TGM1: variants seen among roughly 807,000 people sequenced by gnomAD.
TGM1 encodes the protein protein-glutamine gamma-glutamyltransferase K.
Under a neutral mutation model 88.7 loss-of-function variants are expected in TGM1, and 63 were observed. That is an observed-to-expected ratio of 0.71 (90% CI 0.58 to 0.88). The LOEUF (loss-of-function observed/expected upper bound fraction) is 0.88. TGM1 is among the 40% of genes least tolerant of loss of function. The pLI is 0.00. For missense variants in TGM1, 996 were observed against 1,118.0 expected (o/e 0.89, Z 1.56); for synonymous variants, 415 against 431.1 (o/e 0.96, Z 0.46).
At chr14:24,261,993 A>G (rs374780559) in intron 2 of TGM1, 41 bp downstream of exon 2, 11 of 1,611,816 alleles carry the variant, frequency 6.8e-6, no homozygotes, top group Non-Finnish European at 9.3e-6. Context: ...GTCCCATTAA[A>G]GCCTTTTAGC....
intron 14 of TGM1, among the ~76,000 whole-genome samples, chr14:24,251,131 G>A (rs1407224097): frequency 6.6e-6 from 1 of 152,216 alleles, no homozygotes; most frequent in East Asian, 1.9e-4. Context: ...AAAAGGAGGA[G>A]TGGGATCTGA....
intron 7 of TGM1, 23 bp from the exon 8 acceptor site, chr14:24,258,696 GT>G: frequency 6.2e-7 from 1 of 1,612,786 alleles, no homozygotes; most frequent in Non-Finnish European, 8.5e-7. Flanking sequence ...GAAGGTTGGG[GT>G]TCAAGGCATG....
chr14:24,251,472 T>C (rs2040700410), intron 14 of TGM1, among the ~76,000 whole-genome samples: 1 of 152,224 alleles, frequency 6.6e-6, no homozygotes, highest in Non-Finnish European at 1.5e-5. Context: ...CTCCCTCCCC[T>C]GGTCTCATTG....
In TGM1 at chr14:24,255,348, G is replaced by T; in HGVS notation, c.1645+16C>A. ...TGTTGTGGGGCCCAGAGCTGGCTGG[G>T]TTGGGGGAATGGTACCTTCTGGGTG... On this transcript the variant is annotated intron_variant, in intron 11 of 14. Transcript: ENST00000206765. The surrounding 1 kb of genome is among the most constrained non-coding windows in gnomAD (Gnocchi z 4.0). 1 of 1,614,238 alleles carries T rather than the reference G, an allele frequency of 6.2e-7. No individual in the cohort carries two copies. Among genetic ancestry groups the T allele is most frequent in the Non-Finnish European group, 8.5e-7 (1 of 1,180,042 alleles).
chr14:24,253,559 C>T (rs1343091595), intron 14 of TGM1, among the ~76,000 whole-genome samples: 1 of 152,144 alleles, frequency 6.6e-6, no homozygotes. Flanking sequence ...CTCACTTCAG[C>T]CTCAACCTCT....
rs1008521991 is a variant in TGM1, at chr14:24,255,199, G to C, written c.1700C>G (p.Pro567Arg). 3.1e-6 allele frequency: 5 copies of C among 1,613,812 alleles called. No homozygotes were observed. In the South Asian group the frequency reaches 4.4e-5, roughly 14 times the overall value. The change falls in exon 12 of 15, where the codon CCC (proline) becomes CGC (arginine). Residue 567 changes from proline (P) to arginine (R), a missense_variant. Coordinates refer to ENST00000206765, the MANE Select transcript of TGM1 (RefSeq NM_000359.3). The surrounding 1 kb of genome is among the most constrained non-coding windows in gnomAD (Gnocchi z 4.0). Reference sequence around the variant, plus strand: ...TGAGCCCCGGTTGGCATACACATTGGGTTTGCTGCCGTGGGCTGCTGCTGT... The same window carrying C: ...TGAGCCCCGGTTGGCATACACATTGCGTTTGCTGCCGTGGGCTGCTGCTGT... ...VETAAAHGSK[P>R]NVYANRGSAE...
At position 24,254,196 on chromosome 14, in the gene TGM1, C is replaced by G; in HGVS notation, c.2181G>C (p.Arg727=). The G allele has an allele frequency of 6.2e-7, 1 of 1,613,716 alleles. No individual in the cohort carries two copies. The highest frequency in any genetic ancestry group is 8.5e-7 in the Non-Finnish European group (1 of 1,179,866). ...LPVTLTNVVF[R]LEGSGLQRPK... The stretch of plus-strand genomic sequence containing the variant: ...GCCTCTGTAACCCAGAGCCTTCGAG[C>G]CGGAAGACGACATTGGTGAGGGTGA... Residue 727 remains arginine, a synonymous_variant, in exon 14 of 15, where the codon CGG becomes CGC. Transcript: ENST00000206765.
rs771820315 is a variant in TGM1, at chr14:24,259,721, G to A, written c.967C>T (p.Arg323Trp). 6.2e-6 allele frequency: 10 copies of A among 1,611,226 alleles called. No individual in the cohort carries two copies. Among genetic ancestry groups the A allele is most frequent in the Non-Finnish European group, 7.6e-6 (9 of 1,178,956 alleles). ...GTGCTCACCATGGCAGAGATGACCCGGGAGACATTGACTGGGTCTCCACGG... is the reference window on the plus strand; with the variant it reads ...GTGCTCACCATGGCAGAGATGACCCAGGAGACATTGACTGGGTCTCCACGG... ...GGRGDPVNVSRVISAMVNSLD... is the reference protein window; with the variant it reads ...GGRGDPVNVSWVISAMVNSLD... The change falls in exon 6 of 15, where the codon CGG becomes TGG. Residue 323 changes from arginine to tryptophan, a missense_variant. Arg to Trp is a moderately radical substitution (Grantham distance 101). Transcript: ENST00000206765. This position sits in a 1 kb window ranked among gnomAD's most constrained non-coding sequence, Gnocchi z 5.7.
At position 24,259,579 on chromosome 14, in the gene TGM1, C is replaced by G. The variant is rs2040787824; in HGVS notation, c.984+125G>C. On this transcript the variant is annotated intron_variant, in intron 6 of 14. Coordinates refer to ENST00000206765, the MANE Select transcript of TGM1 (RefSeq NM_000359.3). This position sits in a 1 kb window ranked among gnomAD's most constrained non-coding sequence, Gnocchi z 5.7. Reference sequence around the variant, plus strand: ...GGAGGGAGACCCCTTCCTGAAGTATCCTTTACGAGGGCAGGGACAGGGCTG... The same window carrying G: ...GGAGGGAGACCCCTTCCTGAAGTATGCTTTACGAGGGCAGGGACAGGGCTG... 1.2e-6 allele frequency: 1 copy of G among 836,660 alleles called. No homozygotes were observed. Among genetic ancestry groups the G allele is most frequent in the Non-Finnish European group, 2.0e-6 (1 of 508,384 alleles). 51.8% of individuals were successfully genotyped at this position (836,660 alleles called of 1,614,324 possible). A position where few individuals can be genotyped will look rare whatever the true frequency, so the allele number is the denominator to read the frequency against.
chr14:24,260,773 C>T, intron 3 of TGM1, 75 bp from the exon 4 acceptor site: 2 of 1,599,958 alleles, frequency 1.3e-6, no homozygotes, highest in Non-Finnish European at 1.7e-6. Flanking sequence ...CTTCTCCCGG[C>T]CCCACCCACA....
rs780615877 is a variant in TGM1, at chr14:24,255,159, G to A, written c.1740C>T (p.Ala580=). 7 of 1,614,068 alleles carry A rather than the reference G, an allele frequency of 4.3e-6. No homozygotes were observed. In the East Asian group the frequency reaches 1.6e-4, roughly 36 times the overall value. The change falls in exon 12 of 15, where the codon GCC becomes GCT. Residue 580 remains alanine (A), a synonymous_variant. Coordinates refer to ENST00000206765, the MANE Select transcript of TGM1 (RefSeq NM_000359.3). This position sits in a 1 kb window ranked among gnomAD's most constrained non-coding sequence, Gnocchi z 4.0. ...YANRGSAEDV[A]MQVEAQDAVM... ...CCGCGTCCTGTGCCTCCACCTGCATGGCCACATCCTCCGCTGAGCCCCGGT... is the reference window on the plus strand; with the variant it reads ...CCGCGTCCTGTGCCTCCACCTGCATAGCCACATCCTCCGCTGAGCCCCGGT...
chr14:24,252,597 C>T (rs559144741), intron 14 of TGM1, among the ~76,000 whole-genome samples: 1 of 152,236 alleles, frequency 6.6e-6, no homozygotes, highest in Admixed American at 6.5e-5. Context: ...ATGAGGAAAG[C>T]CCTACTTTGT....
At chr14:24,260,203 G>A (rs2040796442) in intron 4 of TGM1, 145 bp from the exon 5 acceptor site, 15 of 947,852 alleles carry the variant, frequency 1.6e-5, no homozygotes, top group Middle Eastern at 4.6e-4. Context: ...GGGAGGACAC[G>A]GGGAGCATGA....
At position 24,254,149 on chromosome 14, in the gene TGM1, C is replaced by T. The variant is rs761284112; in HGVS notation, c.2225+3G>A. 1.9e-5 allele frequency: 31 copies of T among 1,609,716 alleles called. No homozygotes were observed. The highest frequency in any genetic ancestry group is 2.5e-5 in the Non-Finnish European group (29 of 1,178,058). ...CAGGGGTAGGGGGAGAGGCCAGACT[C>T]ACCCAACGTTGAGGATCTTGGGCCT... On this transcript the variant is annotated splice_donor_region_variant and intron_variant, in intron 14 of 14. Coordinates refer to ENST00000206765, the MANE Select transcript of TGM1 (RefSeq NM_000359.3).
Position 24,260,334 on chromosome 14 carries a change from G to C in TGM1, c.757+116C>G, listed in dbSNP as rs41293784. On this transcript the variant is annotated intron_variant, in intron 4 of 14. Transcript: ENST00000206765. The stretch of plus-strand genomic sequence containing the variant: ...CCTCGGTCCTCTCATCTGCCCAATG[G>C]GAGGCTGGCTTCTCCTGGGGTCAGG... The C allele has an allele frequency of 1.0e-3, 1,567 of 1,504,792 alleles. 12 individuals carry two copies. In the East Asian group the frequency reaches 0.02, roughly 19 times the overall value. The allele number at this position is 1,504,792 out of a possible 1,614,324, so 93.2% of individuals were successfully genotyped here. A position where few individuals can be genotyped will look rare whatever the true frequency, so the allele number is the denominator to read the frequency against.
intron 13 of TGM1, 132 bp downstream of exon 13, chr14:24,254,532 G>A: frequency 1.4e-6 from 2 of 1,426,380 alleles, no homozygotes; most frequent in Non-Finnish European, 1.9e-6. Context: ...AGGCCCCAGA[G>A]CCGGTCCTTG....
intron 14 of TGM1, among the ~76,000 whole-genome samples, chr14:24,252,532 A>AC (rs1301493176): frequency 1.1e-4 from 16 of 152,152 alleles, no homozygotes; most frequent in South Asian, 2.1e-4. Flanking sequence ...AGAGCAGGCT[A>AC]CCCGGGGGGT....
chr14:24,261,077 C>A (rs1026070676), intron 3 of TGM1, among the ~76,000 whole-genome samples: 1 of 152,210 alleles, frequency 6.6e-6, no homozygotes, highest in Non-Finnish European at 1.5e-5. Context: ...CTGCCTGCTT[C>A]CTGGGGCTGC....
chr14:24,262,369 C>A lies in TGM1; in HGVS notation c.-2-15G>T. ...ATCCATCATGCCTGTTAGGAAGAGGCAGGGTGGCTCCTTAACCCAGGTAGT... is the reference window on the plus strand; with the variant it reads ...ATCCATCATGCCTGTTAGGAAGAGGAAGGGTGGCTCCTTAACCCAGGTAGT... On this transcript the variant is annotated splice_polypyrimidine_tract_variant and intron_variant, in intron 1 of 14. Coordinates refer to ENST00000206765, the MANE Select transcript of TGM1 (RefSeq NM_000359.3). The A allele has an allele frequency of 6.2e-7, 1 of 1,612,892 alleles. No individual in the cohort carries two copies. The highest frequency in any genetic ancestry group is 8.5e-7 in the Non-Finnish European group (1 of 1,179,844).
Sources: gnomAD v4.1 joint callset for allele counts (sites outside exome capture counted in the v4.1 genomes callset) on GRCh38, gnomAD v4.1.1 for gene constraint, Gnocchi (gnomAD v3.1) non-coding constraint, MANE v1.5 for transcripts, NCBI Gene and HGNC (gene_info 2026-07-23, HGNC 2026-07-21) for gene names.